Variants in GPAT3 observed in about 807,000 individuals in gnomAD.
GPAT3 encodes the protein glycerol-3-phosphate acyltransferase 3.
In GPAT3, 53 loss-of-function variants were observed where a neutral mutation model predicts 58.8. The ratio of observed to expected loss-of-function variants is 0.90; its 90% confidence interval spans 0.72 to 1.13. The LOEUF is 1.13. Among genes scored for constraint, GPAT3 ranks in the 50% most tolerant of loss-of-function variants. The pLI is 0.00. For missense variants in GPAT3, 511 were observed against 527.6 expected, an observed-to-expected ratio of 0.97 and a Z score of 0.31; for synonymous variants, 197 against 187.4, an observed-to-expected ratio of 1.05 and a Z score of -0.42.
intron 2 of GPAT3, among the ~76,000 whole-genome samples, chr4:83,580,220 T>C (rs1293123680): frequency 6.6e-6 from 1 of 152,228 alleles, no homozygotes; most frequent in Admixed American, 6.5e-5. Flanking sequence ...AATTATTTTC[T>C]TGATGGAAAA....
intron 2 of GPAT3, among the ~76,000 whole-genome samples, chr4:83,576,432 A>ATTTC (rs1257843659): frequency 1.3e-5 from 2 of 150,298 alleles, no homozygotes; most frequent in Non-Finnish European, 3.0e-5. Context: ...TTATTTATTT[A>ATTTC]TTTATTTATT....
chr4:83,581,918 G>T, intron 3 of GPAT3, 86 bp downstream of exon 3: 1 of 1,507,464 alleles, frequency 6.6e-7, no homozygotes, highest in Non-Finnish European at 8.9e-7. Flanking sequence ...TAAGTGTTCT[G>T]TGGTGCTTAT....
At chr4:83,545,162 C>T (rs1225415896) in intron 2 of GPAT3, among the ~76,000 whole-genome samples, 1 of 152,168 alleles carries the variant, frequency 6.6e-6, no homozygotes, top group Non-Finnish European at 1.5e-5. Flanking sequence ...CATGCTTGAC[C>T]AGGTGCAGTG....
At chr4:83,579,029 T>TCCTTCCTTCCTTCCTTCTTTCC (rs1560620916) in intron 2 of GPAT3, among the ~76,000 whole-genome samples, 1 of 20,650 alleles carries the variant, frequency 4.8e-5, no homozygotes, top group African/African-American at 2.1e-4. Flanking sequence ...TTTCTTTCTT[T>TCCTTCCTTCCTTCCTTCTTTCC]CTTTCTTTCT....
intron 2 of GPAT3, among the ~76,000 whole-genome samples, chr4:83,570,618 G>T (rs1354349190): frequency 6.6e-6 from 1 of 151,806 alleles, no homozygotes; most frequent in Non-Finnish European, 1.5e-5. Flanking sequence ...CACTACAGAT[G>T]TGCACCACCA....
intron 11 of GPAT3, 55 bp from the exon 12 acceptor site, chr4:83,604,611 ACT>A (rs979021007): frequency 2.2e-6 from 3 of 1,385,400 alleles, no homozygotes; most frequent in Non-Finnish European, 3.0e-6. Context: ...TATTAAGTTA[ACT>A]CTTTTAAATC....
At position 83,581,500 on chromosome 4, in the gene GPAT3, G is replaced by T; in HGVS notation, c.209-62G>T. On this transcript the variant is annotated intron_variant, in intron 2 of 11. Coordinates refer to ENST00000264409, the MANE Select transcript of GPAT3 (RefSeq NM_032717.5). ...ATTTAACTTCTACACAGTTAAAGTT[G>T]CCCTTTTGGTCAATTCTTCTGTCGT... The T allele has an allele frequency of 2.0e-6, 3 of 1,532,470 alleles. No homozygotes were observed. In the South Asian group the frequency reaches 3.8e-5, roughly 19 times the overall value. 94.9% of individuals were successfully genotyped at this position (1,532,470 alleles called of 1,614,324 possible).
At chr4:83,574,877 T>G (rs1460770559) in intron 2 of GPAT3, among the ~76,000 whole-genome samples, 1 of 137,178 alleles carries the variant, frequency 7.3e-6, no homozygotes, top group East Asian at 2.2e-4. Flanking sequence ...CTTTTTTTTT[T>G]TTTTGTTTTT....
At chr4:83,562,188 T>TA (rs1222633819) in intron 2 of GPAT3, among the ~76,000 whole-genome samples, 4 of 52,774 alleles carry the variant, frequency 7.6e-5, no homozygotes, top group South Asian at 5.4e-4. Context: ...ATTATATATA[T>TA]ATATATATAT....
chr4:83,599,471 T>G (rs900597475), intron 11 of GPAT3, among the ~76,000 whole-genome samples: 3 of 152,186 alleles, frequency 2.0e-5, no homozygotes, highest in Non-Finnish European at 4.4e-5. Flanking sequence ...CAAAGGAAGC[T>G]GGGGAATGTA....
chr4:83,536,688 CCTTTTACCTTCGGT>C lies in GPAT3; in HGVS notation c.70_83del (p.Leu24ArgfsTer26). On this transcript the variant is annotated frameshift_variant, in exon 1 of 12. Coordinates refer to ENST00000264409, the MANE Select transcript of GPAT3 (RefSeq NM_032717.5). LOFTEE classifies it high-confidence loss of function. Reference sequence around the variant, plus strand: ...GGCTGACGCTGGTTCTCGGCTTCATCCTTTTACCTTCGGTCTTCGGAGTGTCTCTGGGCATCTCC... The same window carrying C: ...GGCTGACGCTGGTTCTCGGCTTCATCCTTCGGAGTGTCTCTGGGCATCTCC... The C allele has an allele frequency of 6.2e-7, 1 of 1,613,676 alleles. No individual in the cohort carries two copies. The highest frequency in any genetic ancestry group is 8.5e-7 in the Non-Finnish European group (1 of 1,179,960).
chr4:83,547,419 A>T (rs1390200590), intron 2 of GPAT3, among the ~76,000 whole-genome samples: 1 of 151,156 alleles, frequency 6.6e-6, no homozygotes, highest in East Asian at 2.0e-4. Context: ...CGCCCAGCTA[A>T]TTTTTTGTAT....
At chr4:83,542,889 T>G (rs1239832613) in intron 1 of GPAT3, among the ~76,000 whole-genome samples, 1 of 152,078 alleles carries the variant, frequency 6.6e-6, no homozygotes, top group Non-Finnish European at 1.5e-5. Context: ...TCCCAGCTAC[T>G]TGGGAGGCTG....
chr4:83,562,225 A>AT lies in GPAT3; in HGVS notation c.208+17623_208+17624insT, dbSNP rs1185063026. Among the ~76,000 whole-genome samples the AT allele has an allele frequency of 7.9e-3, 483 of 61,344 alleles. 2 individuals carry two copies. The highest frequency in any genetic ancestry group is 0.01 in the Non-Finnish European group (343 of 33,244). 40.2% of individuals were successfully genotyped at this position (61,344 alleles called of 152,430 possible). A position where few individuals can be genotyped will look rare whatever the true frequency, so the allele number is the denominator to read the frequency against. ...ATATATATATATTATATATATATAT[A>AT]ATATATATATAATATATATATATAA... On this transcript the variant is annotated intron_variant, in intron 2 of 11. Transcript: ENST00000264409.
chr4:83,583,848 G>A (rs1166663979), intron 3 of GPAT3, among the ~76,000 whole-genome samples: 1 of 151,190 alleles, frequency 6.6e-6, no homozygotes, highest in Non-Finnish European at 1.5e-5. Context: ...GGTGGCACAT[G>A]CCTGTAGTCC....
At chr4:83,598,015 T>C in intron 9 of GPAT3, 36 bp from the exon 10 acceptor site, 1 of 1,610,766 alleles carries the variant, frequency 6.2e-7, no homozygotes, top group South Asian at 1.1e-5. Flanking sequence ...AAACCACCCT[T>C]ATTTCATAAC....
Position 83,598,121 on chromosome 4 carries a change from T to A in GPAT3, c.1067T>A (p.Met356Lys). The A allele has an allele frequency of 6.2e-7, 1 of 1,613,786 alleles. No homozygotes were observed. The highest frequency in any genetic ancestry group is 1.3e-5 in the African/African-American group (1 of 75,010). ...KYNMVSYLLR[M>K]MTSWAIVCDV... ...AACATGGTGAGCTACCTGCTTCGAATGATGACCAGCTGGGCCATCGTCTGT... is the reference window on the plus strand; with the variant it reads ...AACATGGTGAGCTACCTGCTTCGAAAGATGACCAGCTGGGCCATCGTCTGT... The change falls in exon 10 of 12, where the codon ATG becomes AAG. Residue 356 changes from methionine to lysine, a missense_variant. Met to Lys is a moderately conservative substitution (Grantham distance 95). Coordinates refer to ENST00000264409, the MANE Select transcript of GPAT3 (RefSeq NM_032717.5).
chr4:83,596,630 C>T (rs1489011015), intron 7 of GPAT3, among the ~76,000 whole-genome samples: 1 of 150,116 alleles, frequency 6.7e-6, no homozygotes. Context: ...CCCCACCCAC[C>T]AAAAAAAAGA....
chr4:83,576,884 C>T (rs184158832), intron 2 of GPAT3, among the ~76,000 whole-genome samples: 16 of 152,204 alleles, frequency 1.1e-4, no homozygotes, highest in East Asian at 5.8e-4. Flanking sequence ...AGGTTATTTA[C>T]GTAGTCTCAA....
Sources: gnomAD v4.1 joint callset for allele counts (sites outside exome capture counted in the v4.1 genomes callset) on GRCh38, gnomAD v4.1.1 for gene constraint, MANE v1.5 for transcripts, NCBI Gene and HGNC (gene_info 2026-07-23, HGNC 2026-07-21) for gene names.